Variants in CTNNA1 observed in about 807,000 individuals in gnomAD.
CTNNA1 encodes the protein catenin alpha-1.
Under a neutral mutation model 98.4 loss-of-function variants are expected in CTNNA1, and 37 were observed. The ratio of observed to expected loss-of-function variants is 0.38; its 90% confidence interval spans 0.29 to 0.49. The LOEUF (loss-of-function observed/expected upper bound fraction) is 0.49. Ranked by LOEUF, CTNNA1 falls within the 20% of genes least tolerant of loss-of-function variation. CTNNA1 has a pLI of 0.95. For synonymous variants in CTNNA1, 404 were observed against 413.2 expected, an observed-to-expected ratio of 0.98 and a Z score of 0.27; for missense variants, 761 against 1,147.2, an observed-to-expected ratio of 0.66 and a Z score of 4.86.
At chr5:138,810,704 CG>C (rs1323658889) in intron 4 of CTNNA1, among the ~76,000 whole-genome samples, 1 of 152,206 alleles carries the variant, frequency 6.6e-6, no homozygotes, top group Admixed American at 6.5e-5. Context: ...TACACAGACA[CG>C]GCAACCATCC....
At chr5:138,832,850 G>C (rs1278322893) in intron 7 of CTNNA1, among the ~76,000 whole-genome samples, 1 of 152,142 alleles carries the variant, frequency 6.6e-6, no homozygotes, top group Non-Finnish European at 1.5e-5. Context: ...AGCTGACTTG[G>C]TTGCCCAGTT....
Position 138,872,196 on chromosome 5 carries a change from G to A in CTNNA1, c.1063-14016G>A, listed in dbSNP as rs186652837. On this transcript the variant is annotated intron_variant, in intron 7 of 17. Coordinates refer to ENST00000302763, the MANE Select transcript of CTNNA1 (RefSeq NM_001903.5). ...AACATAGGATTTAGTACATTAATTA[G>A]TACAATGACAGTTTAATGCTAGTTT... The A allele has an allele frequency of 9.2e-5, 14 of 152,630 alleles. No homozygotes were observed. In the East Asian group the frequency reaches 2.3e-3, roughly 25 times the overall value. The allele number at this position is 152,630 out of a possible 1,614,324, so 9.5% of individuals were successfully genotyped here.
chr5:138,879,605 C>A (rs953052982), intron 7 of CTNNA1, among the ~76,000 whole-genome samples: 4 of 152,088 alleles, frequency 2.6e-5, no homozygotes, highest in Non-Finnish European at 2.9e-5. Flanking sequence ...CAAGCACATG[C>A]CACCATACCC....
intron 3 of CTNNA1, among the ~76,000 whole-genome samples, chr5:138,807,359 C>T (rs965830512): frequency 6.6e-6 from 1 of 151,750 alleles, no homozygotes; most frequent in African/African-American, 2.4e-5. Flanking sequence ...TGGTAACTCC[C>T]TTAACTCTGC....
intron 2 of CTNNA1, among the ~76,000 whole-genome samples, chr5:138,782,808 G>A (rs1331545899): frequency 1.3e-5 from 2 of 152,202 alleles, no homozygotes; most frequent in African/African-American, 4.8e-5. Context: ...CAGTGGCAGT[G>A]TGATCTCCAG....
chr5:138,929,468 G>C (rs555321549), intron 14 of CTNNA1, 112 bp downstream of exon 14: 53 of 632,454 alleles, frequency 8.4e-5, no homozygotes, highest in African/African-American at 6.6e-4. Context: ...CTCTCTCTCT[G>C]TCTCTCTGGC....
At chr5:138,900,541 A>T in intron 9 of CTNNA1, among the ~76,000 whole-genome samples, 1 of 152,220 alleles carries the variant, frequency 6.6e-6, no homozygotes, top group Non-Finnish European at 1.5e-5. Context: ...TCATAAATCT[A>T]TGTATAATAG....
At chr5:138,904,521 T>C (rs1304580374) in intron 10 of CTNNA1, 80 bp downstream of exon 10, 2 of 1,534,298 alleles carry the variant, frequency 1.3e-6, no homozygotes, top group African/African-American at 2.8e-5. Context: ...TTTTGTTAAG[T>C]TTTGTTTTGT....
chr5:138,762,319 A>C (rs1752457830), intron 1 of CTNNA1, among the ~76,000 whole-genome samples: 1 of 152,182 alleles, frequency 6.6e-6, no homozygotes, highest in African/African-American at 2.4e-5. Flanking sequence ...GTGGGGAATT[A>C]GTCCAGCGTG....
chr5:138,901,236 C>G (rs540246184), intron 9 of CTNNA1, among the ~76,000 whole-genome samples: 1 of 152,030 alleles, frequency 6.6e-6, no homozygotes, highest in Non-Finnish European at 1.5e-5. Context: ...CAGCTCACTT[C>G]AACCTCCACC....
intron 12 of CTNNA1, 86 bp downstream of exon 12, chr5:138,924,796 G>A: frequency 8.0e-7 from 1 of 1,243,996 alleles, no homozygotes; most frequent in East Asian, 2.6e-5. Flanking sequence ...CTGTGGTGAG[G>A]AAGGAGGAGT....
In CTNNA1 at chr5:138,922,497, A is replaced by G. The variant is rs1033395736; in HGVS notation, c.1547-2013A>G. On this transcript the variant is annotated intron_variant, in intron 11 of 17. Transcript: ENST00000302763. ...TTACATATAGTTGTCTGTATTTTGT[A>G]TGGACTGTTATATGTATGTGTATGA... Among the ~76,000 whole-genome samples the G allele has an allele frequency of 3.9e-5, 6 of 152,228 alleles. 1 individual carries two copies. Among genetic ancestry groups the G allele is most frequent in the Non-Finnish European group, 8.8e-5 (6 of 68,032 alleles).
At chr5:138,797,231 CT>C (rs1159772983) in intron 3 of CTNNA1, among the ~76,000 whole-genome samples, 9 of 152,072 alleles carry the variant, frequency 5.9e-5, no homozygotes, top group African/African-American at 1.9e-4. Flanking sequence ...CATTTAAAAA[CT>C]TTTTTTATAT....
chr5:138,872,887 A>G, intron 7 of CTNNA1: 1 of 609,844 alleles, frequency 1.6e-6, no homozygotes. Context: ...TCAAAAACTA[A>G]GTCTCCACTT....
At chr5:138,855,617 T>C (rs889115356) in intron 7 of CTNNA1, among the ~76,000 whole-genome samples, 1 of 152,208 alleles carries the variant, frequency 6.6e-6, no homozygotes, top group Non-Finnish European at 1.5e-5. Context: ...CAGGAGGTGT[T>C]TGGGGAGTCT....
In CTNNA1 at chr5:138,778,150, C is replaced by T. The variant is rs551503831; in HGVS notation, c.-2-3773C>T. Reference sequence around the variant, plus strand: ...CTGGGACTACAGGCGACCGCCACCACGCCCGGCTAATTTTTTGGTATTTTT... The same window carrying T: ...CTGGGACTACAGGCGACCGCCACCATGCCCGGCTAATTTTTTGGTATTTTT... On this transcript the variant is annotated intron_variant, in intron 1 of 17. Transcript: ENST00000302763. Among the ~76,000 whole-genome samples the T allele has an allele frequency of 1.7e-3, 182 of 105,106 alleles. 1 individual carries two copies. The highest frequency in any genetic ancestry group is 2.8e-3 in the Non-Finnish European group (130 of 45,740). 69.0% of individuals were successfully genotyped at this position (105,106 alleles called of 152,430 possible).
chr5:138,783,994 C>G (rs1455978718), intron 3 of CTNNA1, among the ~76,000 whole-genome samples: 2 of 152,144 alleles, frequency 1.3e-5, no homozygotes, highest in African/African-American at 4.8e-5. Flanking sequence ...ATAATTAATG[C>G]TAGAAAAATT....
At chr5:138,894,948 C>T (rs1372229181) in intron 9 of CTNNA1, among the ~76,000 whole-genome samples, 6 of 152,160 alleles carry the variant, frequency 3.9e-5, no homozygotes, top group Admixed American at 3.9e-4. Context: ...ACGCTTATCC[C>T]CTCCATTGCA....
rs199622409 is a variant in CTNNA1, at chr5:138,841,641, A to G, written c.1062+13923A>G. Among the ~76,000 whole-genome samples the G allele has an allele frequency of 3.1e-4, 47 of 152,270 alleles. No homozygotes were observed. The East Asian group carries it at 9.1e-3, about 29-fold the overall frequency. On this transcript the variant is annotated intron_variant, in intron 7 of 17. Transcript: ENST00000302763. ...ATTTGGTCATTCTCTCAAAACTGCC[A>G]TTAGGGCTTTTTGTAATGTCATAAT...
Sources: allele counts gnomAD v4.1 joint callset (sites outside exome capture counted in the v4.1 genomes callset), GRCh38; gene constraint gnomAD v4.1.1; transcripts MANE v1.5; gene names NCBI Gene and HGNC (gene_info 2026-07-23, HGNC 2026-07-21).